The following VPS53 variants were observed in gnomAD, a reference collection of about 807,000 sequenced individuals.
VPS53 encodes VPS53 subunit of GARP complex.
Under a neutral mutation model 107.0 loss-of-function variants are expected in VPS53, and 70 were observed. That is an observed-to-expected ratio of 0.65 (90% CI 0.54 to 0.80). VPS53 has a LOEUF of 0.80. Ranked by LOEUF, VPS53 falls within the 30% of genes least tolerant of loss-of-function variation. The pLI is 0.00. For synonymous variants in VPS53, 409 were observed against 393.3 expected (o/e 1.04, Z -0.47); for missense variants, 917 against 1,049.4 (o/e 0.87, Z 1.74).
chr17:662,862 G>C (rs145966259), intron 4 of VPS53, among the ~76,000 whole-genome samples: 2 of 106,598 alleles, frequency 1.9e-5, no homozygotes, highest in African/African-American at 5.7e-5. Flanking sequence ...AGGAAGGAAG[G>C]AAGGAAGGAA....
At chr17:681,119 TG>T (rs1462616115) in intron 4 of VPS53, among the ~76,000 whole-genome samples, 17 of 152,106 alleles carry the variant, frequency 1.1e-4, no homozygotes, top group African/African-American at 3.1e-4. Context: ...AAAACAAAGT[TG>T]TTTTTTTGTT....
intron 4 of VPS53, among the ~76,000 whole-genome samples, chr17:672,089 C>T (rs1156681928): frequency 7.5e-6 from 1 of 133,554 alleles, no homozygotes; most frequent in Non-Finnish European, 1.6e-5. Context: ...GGCTGGACTA[C>T]AGGTAGAGAT....
At chr17:660,286 T>C (rs551197836) in intron 5 of VPS53, among the ~76,000 whole-genome samples, 32 of 152,052 alleles carry the variant, frequency 2.1e-4, no homozygotes, top group Non-Finnish European at 4.3e-4. Flanking sequence ...TCCTAGTTCA[T>C]AAGGTTGTGG....
intron 12 of VPS53, among the ~76,000 whole-genome samples, chr17:598,878 C>CAA: frequency 2.7e-5 from 1 of 36,658 alleles, no homozygotes; most frequent in African/African-American, 9.1e-5. Flanking sequence ...GTGGGGGGGT[C>CAA]AGCCCCATGC....
intron 7 of VPS53, among the ~76,000 whole-genome samples, chr17:650,078 G>A (rs942227370): frequency 3.3e-5 from 5 of 152,148 alleles, no homozygotes; most frequent in African/African-American, 9.7e-5. Flanking sequence ...AAGATCCAAC[G>A]TTCACGTAAC....
chr17:513,517 G>A lies in VPS53; in HGVS notation c.*5611C>T, dbSNP rs1292094645. The A allele has an allele frequency of 6.6e-6, 1 of 152,206 alleles. No individual in the cohort carries two copies. The highest frequency in any genetic ancestry group is 1.5e-5 in the Non-Finnish European group (1 of 68,046). The allele number at this position is 152,206 out of a possible 1,614,324, so 9.4% of individuals were successfully genotyped here. A position where few individuals can be genotyped will look rare whatever the true frequency, so the allele number is the denominator to read the frequency against. ...AGGCTTTTGCTTAAATTGCCCATTG[G>A]AGCTCTATTTTATTTTTAGGAATCT... On this transcript the variant is annotated 3_prime_UTR_variant, in exon 22 of 22. Coordinates refer to ENST00000437048, the MANE Select transcript of VPS53 (RefSeq NM_001128159.3).
intron 7 of VPS53, among the ~76,000 whole-genome samples, chr17:642,548 T>C (rs1205731239): frequency 1.3e-5 from 2 of 150,194 alleles, no homozygotes; most frequent in Non-Finnish European, 3.0e-5. Context: ...ACAACACTCA[T>C]ACTTGGAAAT....
At chr17:606,115 A>G (rs1263649833) in intron 11 of VPS53, among the ~76,000 whole-genome samples, 1 of 152,086 alleles carries the variant, frequency 6.6e-6, no homozygotes, top group Non-Finnish European at 1.5e-5. Flanking sequence ...GACGATAGAA[A>G]AAAGTGTCCA....
At position 632,837 on chromosome 17, in the gene VPS53, G is replaced by A. The variant is rs755422598; in HGVS notation, c.609-1209C>T. On this transcript the variant is annotated intron_variant, in intron 7 of 21. Coordinates refer to ENST00000437048, the MANE Select transcript of VPS53 (RefSeq NM_001128159.3). ...AATCCATGCAGCTGCAGTGTTTTGGGTTTCCTGTTAACCCAGAAACCAACA... is the reference window on the plus strand; with the variant it reads ...AATCCATGCAGCTGCAGTGTTTTGGATTTCCTGTTAACCCAGAAACCAACA... The A allele has an allele frequency of 1.3e-5, 6 of 452,180 alleles. 1 individual carries two copies. Among genetic ancestry groups the A allele is most frequent in the South Asian group, 9.4e-5 (6 of 63,526 alleles). 28.0% of individuals were successfully genotyped at this position (452,180 alleles called of 1,614,324 possible). A position where few individuals can be genotyped will look rare whatever the true frequency, so the allele number is the denominator to read the frequency against.
rs1969961362 is a variant in VPS53 at position 631,548 on chromosome 17, A to G, written c.687+2T>C. 1 of 1,613,954 alleles carries G rather than the reference A, an allele frequency of 6.2e-7. No individual in the cohort carries two copies. Among genetic ancestry groups the G allele is most frequent in the Non-Finnish European group, 8.5e-7 (1 of 1,179,936 alleles). ...AAAGACTGGGGAAACGCAAAGCAGT[A>G]CCTTGGTGCCCTGGGAAGGAAACGC... On this transcript the variant is annotated splice_donor_variant, in intron 8 of 21. Coordinates refer to ENST00000437048, the MANE Select transcript of VPS53 (RefSeq NM_001128159.3). LOFTEE classifies it high-confidence loss of function.
At chr17:605,477 G>T (rs1289767386) in intron 11 of VPS53, among the ~76,000 whole-genome samples, 1 of 146,750 alleles carries the variant, frequency 6.8e-6, no homozygotes, top group East Asian at 2.2e-4. Flanking sequence ...GGGGCCTGGG[G>T]TAAGAGGGGT....
chr17:570,366 C>CT (rs1387662714), intron 13 of VPS53, among the ~76,000 whole-genome samples: 1 of 95,666 alleles, frequency 1.0e-5, no homozygotes, highest in Non-Finnish European at 2.0e-5. Flanking sequence ...TGAAACGACT[C>CT]TGTCTCAAAA....
intron 12 of VPS53, among the ~76,000 whole-genome samples, chr17:598,074 T>C (rs867520054): frequency 1.3e-4 from 20 of 152,030 alleles, no homozygotes; most frequent in African/African-American, 4.8e-4. Context: ...CCTCCCTGCC[T>C]GATTCTCCTG....
chr17:623,770 A>G (rs762301025), intron 10 of VPS53, 96 bp from the exon 11 acceptor site: 50 of 1,366,190 alleles, frequency 3.7e-5, no homozygotes, highest in Non-Finnish European at 4.8e-5. Context: ...AGAAAAAAAA[A>G]ATGTATGTGG....
At chr17:683,431 T>A (rs1446647399) in intron 4 of VPS53, among the ~76,000 whole-genome samples, 1 of 151,996 alleles carries the variant, frequency 6.6e-6, no homozygotes, top group African/African-American at 2.4e-5. Flanking sequence ...AAAATATTTT[T>A]AAAAAATAAA....
At chr17:592,478 C>T (rs971496056) in intron 12 of VPS53, among the ~76,000 whole-genome samples, 8 of 152,162 alleles carry the variant, frequency 5.3e-5, no homozygotes, top group African/African-American at 1.4e-4. Context: ...GCAGTTTCTT[C>T]GTAGTCTTGA....
At chr17:562,264 G>C (rs1395879623) in intron 14 of VPS53, among the ~76,000 whole-genome samples, 1 of 152,124 alleles carries the variant, frequency 6.6e-6, no homozygotes, top group Admixed American at 6.5e-5. Context: ...ATTGGTTCTC[G>C]AGTCCACCGT....
At chr17:591,261 TTCTC>T (rs933325854) in intron 12 of VPS53, among the ~76,000 whole-genome samples, 20 of 152,376 alleles carry the variant, frequency 1.3e-4, no homozygotes, top group Non-Finnish European at 2.2e-4. Context: ...TATTTGATTC[TTCTC>T]TCTTTTTTTC....
At chr17:654,264 G>A (rs55700948) in intron 6 of VPS53, among the ~76,000 whole-genome samples, 11,791 of 152,140 alleles carry the variant, frequency 0.078, 579 homozygotes, top group Non-Finnish European at 0.11. Flanking sequence ...GTTCTAAGGC[G>A]TCTGTATCAC....
Sources: gnomAD v4.1 joint callset for allele counts (sites outside exome capture counted in the v4.1 genomes callset) on GRCh38, gnomAD v4.1.1 for gene constraint, MANE v1.5 for transcripts, NCBI Gene and HGNC (gene_info 2026-07-23, HGNC 2026-07-21) for gene names.